The following PCDHGA9 variants were observed in gnomAD, a reference collection of about 807,000 sequenced individuals.
The protein encoded by PCDHGA9 is protocadherin gamma-A9.
PCDHGA9 carries 37 observed loss-of-function variants against 62.5 expected under a neutral mutation model. The observed-to-expected ratio is 0.59, with a 90% CI of 0.46 to 0.78. The LOEUF is 0.78. Among genes scored for constraint, PCDHGA9 ranks in the 30% least tolerant of loss-of-function variants. PCDHGA9 has a pLI of 0.00. For missense variants in PCDHGA9, 1,138 were observed against 1,166.2 expected (o/e 0.98, Z 0.35); for synonymous variants, 459 against 484.6 (o/e 0.95, Z 0.69).
intron 2 of PCDHGA9, 105 bp downstream of exon 2, chr5:141,494,970 C>T (rs1352514628): frequency 1.9e-6 from 3 of 1,584,974 alleles, no homozygotes; most frequent in East Asian, 4.6e-5. Context: ...GATGGCTTCT[C>T]CCTCAGTTTG....
intron 1 of PCDHGA9, among the ~76,000 whole-genome samples, chr5:141,448,117 A>G (rs564444141): frequency 6.6e-6 from 1 of 152,094 alleles, no homozygotes; most frequent in Non-Finnish European, 1.5e-5. Flanking sequence ...AAAGAAAATT[A>G]GCCTCCCCCA....
chr5:141,409,729 G>GCAGAGC (rs1178571616), intron 1 of PCDHGA9: 2 of 1,612,966 alleles, frequency 1.2e-6, no homozygotes, highest in African/African-American at 2.7e-5. Context: ...CAGTGAGCGC[G>GCAGAGC]CAGAGCGGGG....
At chr5:141,468,652 G>A (rs1206892693) in intron 1 of PCDHGA9, 2 of 149,062 alleles carry the variant, frequency 1.3e-5, no homozygotes, top group African/African-American at 2.5e-5. Context: ...GGATCACAAG[G>A]TCAGGAGATC....
chr5:141,425,890 G>A (rs943076854), intron 1 of PCDHGA9, among the ~76,000 whole-genome samples: 1 of 152,118 alleles, frequency 6.6e-6, no homozygotes, highest in Non-Finnish European at 1.5e-5. Flanking sequence ...AATCTTCTTT[G>A]GTAGTAAACA....
chr5:141,409,304 C>T, intron 1 of PCDHGA9: 2 of 1,613,954 alleles, frequency 1.2e-6, no homozygotes, highest in Non-Finnish European at 1.7e-6. Flanking sequence ...GGTTGTTGCC[C>T]TCTTCAAAAC....
intron 1 of PCDHGA9, chr5:141,423,905 G>T: frequency 7.9e-7 from 1 of 1,273,594 alleles, no homozygotes; most frequent in Non-Finnish European, 9.9e-7. Flanking sequence ...GATTTCAAAG[G>T]GGCCATTCAA....
chr5:141,476,306 C>T lies in PCDHGA9; in HGVS notation c.2425-18501C>T, dbSNP rs1011265476. The T allele has an allele frequency of 1.2e-6, 2 of 1,613,464 alleles. No homozygotes were observed. Among genetic ancestry groups the T allele is most frequent in the African/African-American group, 2.7e-5 (2 of 74,688 alleles). On this transcript the variant is annotated intron_variant, in intron 1 of 3. Transcript: ENST00000573521. The surrounding 1 kb of genome is among the most constrained non-coding windows in gnomAD (Gnocchi z 7.6). ...TTTGGATCTCGGTAGCCTCTCAGCCCGCAGGTTCCGGGTGGTGTCTGGAGC... is the reference window on the plus strand; with the variant it reads ...TTTGGATCTCGGTAGCCTCTCAGCCTGCAGGTTCCGGGTGGTGTCTGGAGC...
At chr5:141,463,808 T>C (rs1018369312) in intron 1 of PCDHGA9, among the ~76,000 whole-genome samples, 2 of 152,196 alleles carry the variant, frequency 1.3e-5, no homozygotes, top group African/African-American at 4.8e-5. Flanking sequence ...CTAAAAGCTT[T>C]TATCACACAT....
intron 1 of PCDHGA9, chr5:141,410,448 C>T: frequency 6.2e-7 from 1 of 1,614,006 alleles, no homozygotes; most frequent in Non-Finnish European, 8.5e-7. Context: ...GGGACTTTGC[C>T]TTATTCTTAT....
At position 141,476,030 on chromosome 5, in the gene PCDHGA9, G is replaced by A; in HGVS notation, c.2425-18777G>A. On this transcript the variant is annotated intron_variant, in intron 1 of 3. Coordinates refer to ENST00000573521, the MANE Select transcript of PCDHGA9 (RefSeq NM_018921.3). This position sits in a 1 kb window ranked among gnomAD's most constrained non-coding sequence, Gnocchi z 7.6. ...AAAGCCATGTCGGACTCGGCGCCCA[G>A]CGCCCAAGCGCTAACCCGCTGAAAG... 2.7e-6 allele frequency: 4 copies of A among 1,459,176 alleles called. No individual in the cohort carries two copies. The highest frequency in any genetic ancestry group is 3.6e-6 in the Non-Finnish European group (4 of 1,096,658). The allele number at this position is 1,459,176 out of a possible 1,614,324, so 90.4% of individuals were successfully genotyped here. A position where few individuals can be genotyped will look rare whatever the true frequency, so the allele number is the denominator to read the frequency against.
At chr5:141,428,102 G>A (rs774075619) in intron 1 of PCDHGA9, 1 of 1,608,518 alleles carries the variant, frequency 6.2e-7, no homozygotes, top group Non-Finnish European at 8.5e-7. Context: ...CCTACCACGT[G>A]CTGCAGGCCA....
chr5:141,490,336 G>T lies in PCDHGA9; in HGVS notation c.2425-4471G>T. 2 of 1,614,224 alleles carry T rather than the reference G, an allele frequency of 1.2e-6. No individual in the cohort carries two copies. The highest frequency in any genetic ancestry group is 8.5e-7 in the Non-Finnish European group (1 of 1,180,040). ...CCCTGTCCTAGAGAGCACACCAGTGGGCACAGTAGTGGGGTTGTTTAATGT... is the reference window on the plus strand; with the variant it reads ...CCCTGTCCTAGAGAGCACACCAGTGTGCACAGTAGTGGGGTTGTTTAATGT... On this transcript the variant is annotated intron_variant, in intron 1 of 3. Transcript: ENST00000573521. This position sits in a 1 kb window ranked among gnomAD's most constrained non-coding sequence, Gnocchi z 5.4.
rs2099643895 is a variant in PCDHGA9 at position 141,487,385 on chromosome 5, C to T, written c.2425-7422C>T. 1.9e-6 allele frequency: 3 copies of T among 1,614,160 alleles called. No homozygotes were observed. The highest frequency in any genetic ancestry group is 1.1e-5 in the South Asian group (1 of 91,086). On this transcript the variant is annotated intron_variant, in intron 1 of 3. Transcript: ENST00000573521. This position sits in a 1 kb window ranked among gnomAD's most constrained non-coding sequence, Gnocchi z 5.0. Reference sequence around the variant, plus strand: ...CACCTGTGCCTGTCTCACCAGATCTCGAAGGAGGGAGGGGCTTCCCCCTTC... The same window carrying T: ...CACCTGTGCCTGTCTCACCAGATCTTGAAGGAGGGAGGGGCTTCCCCCTTC...
intron 1 of PCDHGA9, among the ~76,000 whole-genome samples, chr5:141,465,276 C>A (rs558169180): frequency 6.6e-6 from 1 of 152,254 alleles, no homozygotes; most frequent in South Asian, 2.1e-4. Context: ...CCATTTAGTT[C>A]ACCCCTAAAG....
rs1383342554 is a variant in PCDHGA9 at position 141,404,809 on chromosome 5, G to A, written c.1857G>A (p.Val619=). The A allele has an allele frequency of 6.2e-7, 1 of 1,613,984 alleles. No homozygotes were observed. The highest frequency in any genetic ancestry group is 2.2e-5 in the East Asian group (1 of 44,874). ...CCAGTGAGCCAGGGCTCTTCTCGGTGGGGCTGCACACAGGTGAAGTGCGCA... is the reference window on the plus strand; with the variant it reads ...CCAGTGAGCCAGGGCTCTTCTCGGTAGGGCTGCACACAGGTGAAGTGCGCA... ...FKASEPGLFS[V]GLHTGEVRTA... is the part of the protein sequence containing the mutation. The change falls in exon 1 of 4, where the codon GTG becomes GTA. Residue 619 remains valine, a synonymous_variant. Transcript: ENST00000573521.
At chr5:141,410,803 C>A in intron 1 of PCDHGA9, 11 of 409,880 alleles carry the variant, frequency 2.7e-5, no homozygotes, top group East Asian at 1.2e-4. Context: ...GTTGCTCTAT[C>A]TTTTTGTAAA....
At chr5:141,419,533 C>T in intron 1 of PCDHGA9, 1 of 1,612,106 alleles carries the variant, frequency 6.2e-7, no homozygotes, top group Non-Finnish European at 8.5e-7. Context: ...GTAACGACAA[C>T]GCACCGCGGG....
rs2096663485 is a variant in PCDHGA9, at chr5:141,422,674, A to G, written c.2424+17298A>G. 3 of 1,606,698 alleles carry G rather than the reference A, an allele frequency of 1.9e-6. No individual in the cohort carries two copies. The East Asian group carries it at 6.7e-5, about 36-fold the overall frequency. On this transcript the variant is annotated intron_variant, in intron 1 of 3. Transcript: ENST00000573521. ...AGTGACCGCCCTCGACCCGGACAGC[A>G]AACAGAATGCCCTGGTCACTTACTC...
intron 1 of PCDHGA9, chr5:141,422,603 C>G: frequency 6.2e-7 from 1 of 1,614,078 alleles, no homozygotes; most frequent in Non-Finnish European, 8.5e-7. Context: ...TCCTCTTACT[C>G]TGCCTACATT....
Sources: allele counts gnomAD v4.1 joint callset (sites outside exome capture counted in the v4.1 genomes callset), GRCh38; gene constraint gnomAD v4.1.1; non-coding constraint Gnocchi (gnomAD v3.1); transcripts MANE v1.5; gene names NCBI Gene and HGNC (gene_info 2026-07-23, HGNC 2026-07-21).